Variants in GHITM observed in about 807,000 individuals in gnomAD.
GHITM encodes the protein growth hormone inducible transmembrane protein.
Under a neutral mutation model 38.7 loss-of-function variants are expected in GHITM, and 24 were observed. The observed-to-expected ratio is 0.62, with a 90% CI of 0.45 to 0.87. GHITM has a LOEUF of 0.87. GHITM is among the 40% of genes least tolerant of loss of function. The pLI, the probability that GHITM is intolerant of heterozygous loss-of-function variation, is 0.00. For synonymous variants in GHITM, 154 were observed against 147.8 expected (o/e 1.04, Z -0.30); for missense variants, 420 against 429.8 (o/e 0.98, Z 0.20).
chr10:84,148,923 G>T, intron 6 of GHITM, 85 bp downstream of exon 6: 1 of 772,952 alleles, frequency 1.3e-6, no homozygotes, highest in African/African-American at 1.7e-5. Flanking sequence ...TGACCTACAT[G>T]GAATTTAAGC....
intron 5 of GHITM, among the ~76,000 whole-genome samples, chr10:84,145,831 G>A (rs1841551724): frequency 6.6e-6 from 1 of 152,198 alleles, no homozygotes; most frequent in Non-Finnish European, 1.5e-5. Flanking sequence ...TGGACTGTTA[G>A]GCAAGTTCCG....
chr10:84,149,419 A>G (rs1196337290), intron 6 of GHITM, among the ~76,000 whole-genome samples: 1 of 152,238 alleles, frequency 6.6e-6, no homozygotes, highest in African/African-American at 2.4e-5. Flanking sequence ...TGCCTAGTCT[A>G]TGAGGTAAAC....
intron 1 of GHITM, among the ~76,000 whole-genome samples, chr10:84,140,789 A>T (rs935820150): frequency 6.6e-6 from 1 of 152,082 alleles, no homozygotes. Context: ...CCATCGAGGG[A>T]GTCTAATGTA....
rs543119067 is a variant in GHITM at position 84,146,061 on chromosome 10, T to C, written c.483+1045T>C. ...TTAAAGAAATAGAAAATTTTAAAAA[T>C]TAAAAAAAAATTTTTTTAAGTAGAC... On this transcript the variant is annotated intron_variant, in intron 5 of 8. Transcript: ENST00000372134. Among the ~76,000 whole-genome samples the C allele has an allele frequency of 3.9e-5, 6 of 152,104 alleles. No individual in the cohort carries two copies. The East Asian group carries it at 1.2e-3, about 29-fold the overall frequency.
At position 84,143,957 on chromosome 10, in the gene GHITM, T is replaced by A. The variant is rs560114149; in HGVS notation, c.230-38T>A. On this transcript the variant is annotated intron_variant, in intron 3 of 8. Transcript: ENST00000372134. ...ATATTTTAAAGGCTTTGTCCAGATGTGCCAGTACTAACCTGCATTTCCTTC... is the reference window on the plus strand; with the variant it reads ...ATATTTTAAAGGCTTTGTCCAGATGAGCCAGTACTAACCTGCATTTCCTTC... The A allele has an allele frequency of 1.3e-4, 166 of 1,236,844 alleles. 5 individuals are homozygous for A. The South Asian group carries it at 1.8e-3, about 13-fold the overall frequency. The allele number at this position is 1,236,844 out of a possible 1,614,324, so 76.6% of individuals were successfully genotyped here. A position where few individuals can be genotyped will look rare whatever the true frequency, so the allele number is the denominator to read the frequency against.
chr10:84,147,306 A>G (rs1841566165), intron 5 of GHITM, among the ~76,000 whole-genome samples: 1 of 152,200 alleles, frequency 6.6e-6, no homozygotes, highest in Admixed American at 6.5e-5. Context: ...ATGTTTGCCT[A>G]GGCTTGGCTT....
In GHITM at chr10:84,141,452, T is replaced by A; in HGVS notation, c.-39-10T>A. The A allele has an allele frequency of 6.3e-7, 1 of 1,591,446 alleles. No individual in the cohort carries two copies. Among genetic ancestry groups the A allele is most frequent in the Non-Finnish European group, 8.6e-7 (1 of 1,164,672 alleles). ...TTTTTTTGGTTGGTTTTGCCTTTTTTTTAAACTAGCATTTCAGATCTGCTC... is the reference window on the plus strand; with the variant it reads ...TTTTTTTGGTTGGTTTTGCCTTTTTATTAAACTAGCATTTCAGATCTGCTC... On this transcript the variant is annotated splice_polypyrimidine_tract_variant and intron_variant, in intron 1 of 8. Transcript: ENST00000372134.
rs1225131190 is a variant in GHITM at position 84,152,881 on chromosome 10, C to T, written c.*533C>T. The T allele has an allele frequency of 6.6e-6, 1 of 152,254 alleles. No homozygotes were observed. Among genetic ancestry groups the T allele is most frequent in the Non-Finnish European group, 1.5e-5 (1 of 68,078 alleles). The allele number at this position is 152,254 out of a possible 1,614,324, so 9.4% of individuals were successfully genotyped here. ...TAAGAAACATCTGGGTATTTGGAAA[C>T]AAGTGGTCATTGTTACATTCATCTG... On this transcript the variant is annotated 3_prime_UTR_variant, in exon 9 of 9. Coordinates refer to ENST00000372134, the MANE Select transcript of GHITM (RefSeq NM_014394.3).
intron 6 of GHITM, among the ~76,000 whole-genome samples, chr10:84,149,130 A>G (rs1296641401): frequency 6.6e-6 from 1 of 152,168 alleles, no homozygotes; most frequent in African/African-American, 2.4e-5. Flanking sequence ...TCTAGTACGC[A>G]TCATTTGAGA....
chr10:84,148,694 A>G, intron 5 of GHITM, 36 bp from the exon 6 acceptor site: 3 of 1,285,982 alleles, frequency 2.3e-6, no homozygotes, highest in Non-Finnish European at 3.4e-6. Context: ...GTTTTCATAT[A>G]AAGATCAGTT....
chr10:84,150,735 G>A lies in GHITM; in HGVS notation c.808G>A (p.Val270Met), dbSNP rs1302905779. The change falls in exon 8 of 9, where the codon GTG becomes ATG. Residue 270 changes from valine to methionine, a missense_variant. Coordinates refer to ENST00000372134, the MANE Select transcript of GHITM (RefSeq NM_014394.3). ...ATCTATGTTTCTTCCACCTACCACCGTGGCTGGTGCCACTCTTTACTCAGT... is the reference window on the plus strand; with the variant it reads ...ATCTATGTTTCTTCCACCTACCACCATGGCTGGTGCCACTCTTTACTCAGT... ...LGSMFLPPTT[V>M]AGATLYSVAM... 8.7e-6 allele frequency: 14 copies of A among 1,608,066 alleles called. 1 individual carries two copies. The highest frequency in any genetic ancestry group is 8.0e-5 in the African/African-American group (6 of 74,854).
At chr10:84,148,042 A>G (rs1841573525) in intron 5 of GHITM, among the ~76,000 whole-genome samples, 1 of 152,140 alleles carries the variant, frequency 6.6e-6, no homozygotes, top group African/African-American at 2.4e-5. Context: ...GCTATACAAA[A>G]ATATATTTTT....
rs1464598289 is a variant in GHITM at position 84,153,353 on chromosome 10, A to G, written c.*1005A>G. On this transcript the variant is annotated 3_prime_UTR_variant, in exon 9 of 9. Transcript: ENST00000372134. ...TTTGGTTTCTCGCATTGCCTCTCAGACTAAGCACTAAAAAGCAAAGCAAAA... is the reference window on the plus strand; with the variant it reads ...TTTGGTTTCTCGCATTGCCTCTCAGGCTAAGCACTAAAAAGCAAAGCAAAA... 1 of 152,210 alleles carries G rather than the reference A, an allele frequency of 6.6e-6. No homozygotes were observed. Among genetic ancestry groups the G allele is most frequent in the African/African-American group, 2.4e-5 (1 of 41,466 alleles). The allele number at this position is 152,210 out of a possible 1,614,324, so 9.4% of individuals were successfully genotyped here.
rs767124922 is a variant in GHITM, at chr10:84,148,804, A to G, written c.558A>G (p.Pro186=). ...LVRSIPYDQS[P]GPKHLAWLLH... ...GATCAATACCATATGACCAGAGCCC[A>G]GGCCCAAAGCATCTTGCTTGGTTGC... Residue 186 remains proline (P), a synonymous_variant, in exon 6 of 9, where the codon CCA becomes CCG. Coordinates refer to ENST00000372134, the MANE Select transcript of GHITM (RefSeq NM_014394.3). The G allele has an allele frequency of 1.5e-5, 24 of 1,612,188 alleles. No homozygotes were observed. The South Asian group carries it at 2.1e-4, about 14-fold the overall frequency.
chr10:84,140,020 G>A (rs1841490456), intron 1 of GHITM: 1 of 152,320 alleles, frequency 6.6e-6, no homozygotes, highest in African/African-American at 2.4e-5. Flanking sequence ...GGAGGCATAA[G>A]CCCTTGGATT....
Position 84,143,989 on chromosome 10 carries a change from C to T in GHITM, c.230-6C>T. On this transcript the variant is annotated splice_region_variant and splice_polypyrimidine_tract_variant and intron_variant, in intron 3 of 8. Transcript: ENST00000372134. ...ACTAACCTGCATTTCCTTCTGTGTT[C>T]TGCAGTTGATCAGATGGGAAGATGG... 1 of 1,588,490 alleles carries T rather than the reference C, an allele frequency of 6.3e-7. No individual in the cohort carries two copies. Among genetic ancestry groups the T allele is most frequent in the South Asian group, 1.1e-5 (1 of 90,604 alleles).
intron 4 of GHITM, among the ~76,000 whole-genome samples, chr10:84,144,379 A>G (rs1841537348): frequency 6.6e-6 from 1 of 152,068 alleles, no homozygotes; most frequent in Non-Finnish European, 1.5e-5. Flanking sequence ...TTTTGGAGAG[A>G]GAGTCTTGCT....
chr10:84,148,990 C>A, intron 6 of GHITM, 152 bp downstream of exon 6: 1 of 618,426 alleles, frequency 1.6e-6, no homozygotes, highest in South Asian at 1.9e-5. Context: ...TATTGCCAGA[C>A]CTTTGCTTTG....
rs1841604439 is a variant in GHITM, at chr10:84,150,780, GTTCTT to G, written c.857_861del (p.Leu286GlnfsTer7). On this transcript the variant is annotated frameshift_variant, in exon 8 of 9. Transcript: ENST00000372134. LOFTEE classifies it high-confidence loss of function. ...CTCAGTGGCAATGTACGGTGGATTAGTTCTTTTCAGCATGTTCCTTCTGTATGATA... is the reference window on the plus strand; with the variant it reads ...CTCAGTGGCAATGTACGGTGGATTAGTTCAGCATGTTCCTTCTGTATGATA... 6 of 1,612,952 alleles carry G rather than the reference GTTCTT, an allele frequency of 3.7e-6. No individual in the cohort carries two copies. Among genetic ancestry groups the G allele is most frequent in the Non-Finnish European group, 5.1e-6 (6 of 1,178,974 alleles).
Sources: gnomAD v4.1 joint callset for allele counts (sites outside exome capture counted in the v4.1 genomes callset) on GRCh38, gnomAD v4.1.1 for gene constraint, MANE v1.5 for transcripts, NCBI Gene and HGNC (gene_info 2026-07-23, HGNC 2026-07-21) for gene names.